The following NRXN3 variants were observed in gnomAD, a reference collection of about 807,000 sequenced individuals.
NRXN3 encodes neurexin 3, also known as neurexin III.
NRXN3 carries 32 observed loss-of-function variants against 137.6 expected under a neutral mutation model. The observed-to-expected ratio is 0.23, with a 90% confidence interval of 0.18 to 0.31. The LOEUF is 0.31. Ranked by LOEUF, NRXN3 falls within the 10% of genes least tolerant of loss-of-function variation. NRXN3 has a pLI of 1.00. For synonymous variants in NRXN3, 798 were observed against 784.5 expected (o/e 1.02, Z -0.29); for missense variants, 1,574 against 2,062.5 (o/e 0.76, Z 4.59).
chr14:78,206,408 C>T (rs1363769276), intron 1 of NRXN3, among the ~76,000 whole-genome samples: 1 of 152,122 alleles, frequency 6.6e-6, no homozygotes, highest in Non-Finnish European at 1.5e-5. Context: ...ATCACTCATA[C>T]CCCAGAAATG....
intron 4 of NRXN3, among the ~76,000 whole-genome samples, chr14:78,511,234 G>C (rs1441124112): frequency 6.6e-6 from 1 of 152,166 alleles, no homozygotes; most frequent in Non-Finnish European, 1.5e-5. Flanking sequence ...TCCATATATG[G>C]GGACATTGGG....
At chr14:79,047,094 T>C (rs1272592676) in intron 15 of NRXN3, among the ~76,000 whole-genome samples, 1 of 151,284 alleles carries the variant, frequency 6.6e-6, no homozygotes, top group Non-Finnish European at 1.5e-5. Context: ...TTTTATTTCA[T>C]CTAGTTGAAT....
chr14:79,042,699 G>A (rs1426605943), intron 15 of NRXN3, among the ~76,000 whole-genome samples: 7 of 152,168 alleles, frequency 4.6e-5, no homozygotes, highest in Non-Finnish European at 7.4e-5. Context: ...CCTTAATGCT[G>A]ATTTGAAAAT....
chr14:78,613,585 T>G (rs932245020), intron 4 of NRXN3, among the ~76,000 whole-genome samples: 3 of 133,632 alleles, frequency 2.2e-5, no homozygotes, highest in African/African-American at 5.3e-5. Context: ...ATAGTTTTTT[T>G]TTTTTTTTTT....
intron 15 of NRXN3, among the ~76,000 whole-genome samples, chr14:79,315,719 A>T (rs994975525): frequency 2.0e-5 from 3 of 152,174 alleles, no homozygotes; most frequent in African/African-American, 7.2e-5. Context: ...CTTTAATATA[A>T]AAAAGGGATA....
intron 16 of NRXN3, among the ~76,000 whole-genome samples, chr14:79,609,290 T>C (rs919405491): frequency 2.0e-5 from 3 of 152,160 alleles, no homozygotes; most frequent in African/African-American, 7.2e-5. Flanking sequence ...CAAAAGAGGT[T>C]AAGGGCTCCT....
intron 15 of NRXN3, among the ~76,000 whole-genome samples, chr14:79,085,176 G>C (rs900893585): frequency 6.6e-6 from 1 of 152,116 alleles, no homozygotes; most frequent in Non-Finnish European, 1.5e-5. Flanking sequence ...GTAAAAATAA[G>C]GAGTCATGTT....
At chr14:78,527,030 C>G (rs1366762176) in intron 4 of NRXN3, among the ~76,000 whole-genome samples, 1 of 152,162 alleles carries the variant, frequency 6.6e-6, no homozygotes, top group Non-Finnish European at 1.5e-5. Flanking sequence ...ATAGAAACTA[C>G]TTATTTAAGA....
intron 15 of NRXN3, among the ~76,000 whole-genome samples, chr14:79,141,858 C>T (rs2058812490): frequency 6.6e-6 from 1 of 152,188 alleles, no homozygotes; most frequent in Non-Finnish European, 1.5e-5. Flanking sequence ...TGGCCTCAAA[C>T]TTCTGTATAT....
intron 4 of NRXN3, among the ~76,000 whole-genome samples, chr14:78,345,152 G>T (rs2082573477): frequency 6.6e-6 from 1 of 152,024 alleles, no homozygotes; most frequent in African/African-American, 2.4e-5. Flanking sequence ...CATGCCTGTG[G>T]CCCACACTTG....
chr14:78,225,700 T>C (rs577395570), intron 1 of NRXN3, among the ~76,000 whole-genome samples: 1 of 152,312 alleles, frequency 6.6e-6, no homozygotes, highest in East Asian at 1.9e-4. Context: ...GCATTCCAGA[T>C]AGATAGAACT....
chr14:78,731,242 T>G (rs1267939942), intron 8 of NRXN3, among the ~76,000 whole-genome samples: 1 of 152,158 alleles, frequency 6.6e-6, no homozygotes, highest in Non-Finnish European at 1.5e-5. Context: ...GTCTCTAGAT[T>G]ATAGCTCTGT....
intron 15 of NRXN3, among the ~76,000 whole-genome samples, chr14:79,034,029 G>A (rs1480475201): frequency 6.6e-6 from 1 of 152,046 alleles, no homozygotes; most frequent in Non-Finnish European, 1.5e-5. Flanking sequence ...AATTTCACTG[G>A]TTATGTGGAC....
intron 15 of NRXN3, among the ~76,000 whole-genome samples, chr14:79,147,935 T>C (rs945006575): frequency 6.6e-6 from 1 of 152,002 alleles, no homozygotes; most frequent in Non-Finnish European, 1.5e-5. Context: ...GAAAAGTAGG[T>C]GGATGGGGAG....
intron 19 of NRXN3, among the ~76,000 whole-genome samples, chr14:79,737,100 A>G (rs539373723): frequency 5.9e-5 from 9 of 152,364 alleles, no homozygotes; most frequent in African/African-American, 1.4e-4. Flanking sequence ...ACACTTGCAT[A>G]TATTATTCCT....
intron 4 of NRXN3, among the ~76,000 whole-genome samples, chr14:78,631,768 T>G (rs74798474): frequency 6.6e-6 from 1 of 152,166 alleles, no homozygotes; most frequent in African/African-American, 2.4e-5. Context: ...TGGATGGGGT[T>G]GTTGGGGTGT....
intron 15 of NRXN3, among the ~76,000 whole-genome samples, chr14:79,289,431 C>G (rs1193116136): frequency 6.6e-6 from 1 of 152,048 alleles, no homozygotes; most frequent in Non-Finnish European, 1.5e-5. Flanking sequence ...ACCAGCCTGG[C>G]CAACGTGGTG....
chr14:78,509,470 C>T (rs2096062390), intron 4 of NRXN3, among the ~76,000 whole-genome samples: 2 of 152,114 alleles, frequency 1.3e-5, no homozygotes, highest in Non-Finnish European at 2.9e-5. Flanking sequence ...GCATTCTTCC[C>T]ATGGGGAACT....
At chr14:78,775,608 T>A (rs1338138587) in intron 8 of NRXN3, among the ~76,000 whole-genome samples, 1 of 152,240 alleles carries the variant, frequency 6.6e-6, no homozygotes, top group Admixed American at 6.5e-5. Context: ...GGTGCCATTG[T>A]GAGATAGGGT....
Sources: allele counts gnomAD v4.1 joint callset (sites outside exome capture counted in the v4.1 genomes callset), GRCh38; gene constraint gnomAD v4.1.1; transcripts MANE v1.5; gene names NCBI Gene and HGNC (gene_info 2026-07-23, HGNC 2026-07-21).